The following SPTBN5 variants were observed in gnomAD, a reference collection of about 807,000 sequenced individuals.
The protein encoded by SPTBN5 is spectrin beta, non-erythrocytic 5.
SPTBN5 carries 513 observed loss-of-function variants against 477.6 expected under a neutral mutation model. The observed-to-expected ratio is 1.07, with a 90% CI of 1.00 to 1.16. The LOEUF is 1.16. Among genes scored for constraint, SPTBN5 ranks in the 50% most tolerant of loss-of-function variants. The pLI, the probability that SPTBN5 is intolerant of heterozygous loss-of-function variation, is 0.00. For missense variants in SPTBN5, 5,062 were observed against 4,731.8 expected (o/e 1.07, Z -2.05); for synonymous variants, 2,169 against 2,011.7 (o/e 1.08, Z -2.09).
rs756459507 is a variant in SPTBN5, at chr15:41,874,056, GT to G, written c.4690-12del. On this transcript the variant is annotated splice_polypyrimidine_tract_variant and intron_variant, in intron 24 of 67. Transcript: ENST00000320955. ...CTCCACCTGGAGCTCCTGCCACAGA[GT>G]GGCTTGAGAGGCTGCTGCTCTTAAC... 1 of 1,581,802 alleles carries G rather than the reference GT, an allele frequency of 6.3e-7. No homozygotes were observed. The highest frequency in any genetic ancestry group is 1.8e-5 in the Admixed American group (1 of 56,348).
At position 41,879,450 on chromosome 15, in the gene SPTBN5, G is replaced by A. The variant is rs781722245; in HGVS notation, c.2992C>T (p.His998Tyr). The A allele has an allele frequency of 3.7e-6, 6 of 1,603,628 alleles. No individual in the cohort carries two copies. The highest frequency in any genetic ancestry group is 3.4e-5 in the Admixed American group (2 of 58,842). Reference sequence around the variant, plus strand: ...AGAAAACTGCACACTTCCACACTGTGTGCCAGCTGCACGGCCTTCTCCCTC... The same window carrying A: ...AGAAAACTGCACACTTCCACACTGTATGCCAGCTGCACGGCCTTCTCCCTC... ...LKREKAVQLA[H>Y]SVEVCSFLQE... Residue 998 changes from histidine to tyrosine, a missense_variant, in exon 16 of 68, where the codon CAC (histidine) becomes TAC (tyrosine). By Grantham distance (83) the His-to-Tyr change is moderately conservative (BLOSUM62 2). Transcript: ENST00000320955.
In SPTBN5 at chr15:41,860,704, C is replaced by T. The variant is rs1438874030; in HGVS notation, c.7870G>A (p.Asp2624Asn). Reference protein sequence around the residue: ...LLWKHKMLEWDLEVQAGKISA... With the variant: ...LLWKHKMLEWNLEVQAGKISA... ...ATCTTTCCCGCCTGCACCTCCAGGT[C>T]CCACTCCAGCATCTTGTGCTTCCAC... The change falls in exon 47 of 68, where the codon GAC (aspartate) becomes AAC (asparagine). Residue 2624 changes from aspartate to asparagine, a missense_variant. Transcript: ENST00000320955. 3 of 1,599,786 alleles carry T rather than the reference C, an allele frequency of 1.9e-6. No individual in the cohort carries two copies. The highest frequency in any genetic ancestry group is 1.3e-5 in the African/African-American group (1 of 74,626).
intron 27 of SPTBN5, 120 bp downstream of exon 27, chr15:41,872,182 C>G (rs2066566686): frequency 1.5e-6 from 2 of 1,304,458 alleles, no homozygotes; most frequent in Non-Finnish European, 2.1e-6. Flanking sequence ...ACCCTTTTCC[C>G]AATGCATCTC....
In SPTBN5 at chr15:41,870,556, CG is replaced by C. The variant is rs774010937; in HGVS notation, c.5451del (p.Ala1818ProfsTer8). 1.9e-6 allele frequency: 3 copies of C among 1,606,522 alleles called. No individual in the cohort carries two copies. In the East Asian group the frequency reaches 6.7e-5, roughly 36 times the overall value. ...MVRQRQQDLQ[T>X]AWSELWELTQ... is the part of the protein sequence containing the mutation. ...GTCAGCTCCCACAGCTCCGACCAGGCGGTCCTGCCCACGGCGTGTGGAAGAC... is the reference window on the plus strand; with the variant it reads ...GTCAGCTCCCACAGCTCCGACCAGGCGTCCTGCCCACGGCGTGTGGAAGAC... On this transcript the variant is annotated frameshift_variant, in exon 30 of 68. Transcript: ENST00000320955. LOFTEE classifies it high-confidence loss of function.
At position 41,852,721 on chromosome 15, in the gene SPTBN5, A is replaced by G; in HGVS notation, c.10362T>C (p.Asp3454=). Reference sequence around the variant, plus strand: ...GGTGTCTGTGCAGCAGCAACTCCACATCTGACACTGAGTGCTGGGGAGAAG... The same window carrying G: ...GGTGTCTGTGCAGCAGCAACTCCACGTCTGACACTGAGTGCTGGGGAGAAG... The part of the protein sequence containing the change: ...LKPDYGHSVS[D]VELLLHRHQD... Residue 3454 remains aspartate, a synonymous_variant, in exon 61 of 68, where the codon GAT becomes GAC. Coordinates refer to ENST00000320955, the MANE Select transcript of SPTBN5 (RefSeq NM_016642.4). 1 of 1,612,306 alleles carries G rather than the reference A, an allele frequency of 6.2e-7. No individual in the cohort carries two copies. Among genetic ancestry groups the G allele is most frequent in the Non-Finnish European group, 8.5e-7 (1 of 1,179,458 alleles).
intron 38 of SPTBN5, 34 bp downstream of exon 38, chr15:41,866,004 C>A (rs1345824926): frequency 2.6e-6 from 4 of 1,548,518 alleles, no homozygotes; most frequent in Admixed American, 4.0e-5. Context: ...GCTCCTCCCC[C>A]CATCTCTCAG....
At chr15:41,876,305 G>T in intron 20 of SPTBN5, 21 bp from the exon 21 acceptor site, 1 of 1,530,266 alleles carries the variant, frequency 6.5e-7, no homozygotes, top group Non-Finnish European at 8.8e-7. Context: ...CCAGGCGAGA[G>T]TGGGTCTCAG....
rs1364663463 is a variant in SPTBN5 at position 41,848,624 on chromosome 15, C to A, written c.11017G>T (p.Asp3673Tyr). Residue 3673 changes from aspartate to tyrosine, a missense_variant, in exon 68 of 68, where the codon GAT becomes TAT. Transcript: ENST00000320955. ...DARPGCLLRS[D>Y]P Reference sequence around the variant, plus strand: ...TTGCACTGGGGTTCACCTCAGGGATCAGACCTGTTGGGAAAACGGAATGAA... The same window carrying A: ...TTGCACTGGGGTTCACCTCAGGGATAAGACCTGTTGGGAAAACGGAATGAA... 3 of 1,613,794 alleles carry A rather than the reference C, an allele frequency of 1.9e-6. No individual in the cohort carries two copies. In the African/African-American group the frequency reaches 4.0e-5, roughly 22 times the overall value.
rs527537055 is a variant in SPTBN5 at position 41,864,004 on chromosome 15, G to T, written c.6939C>A (p.Cys2313Ter). 1 of 1,613,420 alleles carries T rather than the reference G, an allele frequency of 6.2e-7. No homozygotes were observed. Among genetic ancestry groups the T allele is most frequent in the South Asian group, 1.1e-5 (1 of 91,036 alleles). Residue 2313 changes from cysteine to a stop codon, truncating the protein, a stop_gained, in exon 40 of 68, where the codon TGC becomes TGA. Coordinates refer to ENST00000320955, the MANE Select transcript of SPTBN5 (RefSeq NM_016642.4). LOFTEE classifies it high-confidence loss of function. Reference protein sequence around the residue: ...NSAGDTVGDACIRSISDLSLQ... With the variant: ...NSAGDTVGDA ...GTGACAAGTCACTGATGCTCCTGAT[G>T]CAGGCATCACCCACTGTGTCCTGCA...
intron 13 of SPTBN5, 70 bp from the exon 14 acceptor site, chr15:41,880,382 G>A: frequency 2.0e-6 from 3 of 1,469,272 alleles, no homozygotes; most frequent in African/African-American, 2.8e-5. Flanking sequence ...GCGGGTCAAA[G>A]GGGTGCTCCT....
Position 41,862,809 on chromosome 15 carries a change from G to C in SPTBN5, c.7244C>G (p.Pro2415Arg), listed in dbSNP as rs1368047118. 5 of 1,578,392 alleles carry C rather than the reference G, an allele frequency of 3.2e-6. No individual in the cohort carries two copies. The African/African-American group carries it at 6.8e-5, about 21-fold the overall frequency. ...ACGCACCTCCACCTGGGCCTGGATGGGGTGCACTTCCCGCTCCAGCTCCTC... is the reference window on the plus strand; with the variant it reads ...ACGCACCTCCACCTGGGCCTGGATGCGGTGCACTTCCCGCTCCAGCTCCTC... ...KHEELEREVH[P>R]IQAQVESLER... The change falls in exon 42 of 68, where the codon CCC becomes CGC. Residue 2415 changes from proline (P) to arginine (R), a missense_variant. By Grantham distance (103) the Pro-to-Arg change is moderately radical (BLOSUM62 -2). Coordinates refer to ENST00000320955, the MANE Select transcript of SPTBN5 (RefSeq NM_016642.4).
Position 41,886,018 on chromosome 15 carries a change from C to A in SPTBN5, c.1237G>T (p.Ala413Ser). Residue 413 changes from alanine (A) to serine (S), a missense_variant, in exon 7 of 68, where the codon GCC (alanine) becomes TCC (serine). Ala to Ser is a moderately conservative substitution (Grantham distance 99). Coordinates refer to ENST00000320955, the MANE Select transcript of SPTBN5 (RefSeq NM_016642.4). Reference protein sequence around the residue: ...LEWAEAARSQALQQRLLQLQR... With the variant: ...LEWAEAARSQSLQQRLLQLQR... ...AGCTGCAGTAGCCTCTGCTGCAGGG[C>A]CTGGCTCCTTGCAGCCTCTGCCCAC... The A allele has an allele frequency of 6.4e-7, 1 of 1,556,962 alleles. No homozygotes were observed. The highest frequency in any genetic ancestry group is 8.7e-7 in the Non-Finnish European group (1 of 1,150,878).
intron 55 of SPTBN5, 72 bp downstream of exon 55, chr15:41,855,152 C>T (rs2065895274): frequency 2.0e-6 from 3 of 1,522,080 alleles, no homozygotes; most frequent in Non-Finnish European, 2.7e-6. Flanking sequence ...TCCCCAGCAA[C>T]CCTTTCATCC....
intron 4 of SPTBN5, among the ~76,000 whole-genome samples, chr15:41,889,141 G>A (rs150988897): frequency 6.6e-6 from 1 of 152,352 alleles, no homozygotes; most frequent in East Asian, 1.9e-4. Context: ...CCAGGGGCCT[G>A]AGGAGGTGAG....
At chr15:41,881,461 A>T (rs937119609) in intron 12 of SPTBN5, among the ~76,000 whole-genome samples, 3 of 152,234 alleles carry the variant, frequency 2.0e-5, no homozygotes, top group African/African-American at 7.2e-5. Flanking sequence ...CGTGTGCTGC[A>T]TACACAGCTT....
In SPTBN5 at chr15:41,866,231, T is replaced by C; in HGVS notation, c.6631-2A>G. 5 of 1,590,656 alleles carry C rather than the reference T, an allele frequency of 3.1e-6. No individual in the cohort carries two copies. Among genetic ancestry groups the C allele is most frequent in the Non-Finnish European group, 4.3e-6 (5 of 1,170,016 alleles). On this transcript the variant is annotated splice_acceptor_variant, in intron 37 of 67. Transcript: ENST00000320955. LOFTEE classifies it high-confidence loss of function. ...CTGTGCCAGGAGAGCCTCTCCCTTCTGGAGGGAGAGAGGGGACACAGGACA... is the reference window on the plus strand; with the variant it reads ...CTGTGCCAGGAGAGCCTCTCCCTTCCGGAGGGAGAGAGGGGACACAGGACA...
In SPTBN5 at chr15:41,856,512, A is replaced by G; in HGVS notation, c.8895T>C (p.Phe2965=). ...CCCGGGCGGCCACCTCGTGGGCGGC[A>G]AAGTGCCCAGCCTGCACCAGCTTGT... ...TGYKLVQAGH[F]AAHEVAARVQ... is the part of the protein sequence containing the mutation. Residue 2965 remains phenylalanine (F), a synonymous_variant, in exon 53 of 68, where the codon TTT becomes TTC. Transcript: ENST00000320955. 1 of 1,601,148 alleles carries G rather than the reference A, an allele frequency of 6.2e-7. No homozygotes were observed. The highest frequency in any genetic ancestry group is 2.3e-5 in the East Asian group (1 of 44,232).
At chr15:41,876,500 G>A (rs2066732571) in intron 20 of SPTBN5, 48 bp downstream of exon 20, 1 of 1,508,826 alleles carries the variant, frequency 6.6e-7, no homozygotes, top group Non-Finnish European at 9.0e-7. Flanking sequence ...TACGGTCTCA[G>A]GCTTTCTTTT....
Position 41,868,390 on chromosome 15 carries a change from GGGCCCACCTCC to G in SPTBN5, c.6054_6057+7del. On this transcript the variant is annotated splice_donor_variant and splice_donor_5th_base_variant and coding_sequence_variant and intron_variant, in exon 33 of 68. Transcript: ENST00000320955. LOFTEE classifies it high-confidence loss of function. ...GGGTATGTGGGGGCACCAGGGGAGG[GGGCCCACCTCC>G]TTGGTGGGTGTCCCTGCAGCAAGAA... The G allele has an allele frequency of 1.3e-6, 2 of 1,596,194 alleles. No homozygotes were observed. Among genetic ancestry groups the G allele is most frequent in the Non-Finnish European group, 1.7e-6 (2 of 1,170,024 alleles).
Sources: gnomAD v4.1 joint callset for allele counts (sites outside exome capture counted in the v4.1 genomes callset) on GRCh38, gnomAD v4.1.1 for gene constraint, MANE v1.5 for transcripts, NCBI Gene and HGNC (gene_info 2026-07-23, HGNC 2026-07-21) for gene names.